Variants in GRIN2A observed in about 807,000 individuals in gnomAD.
GRIN2A encodes glutamate receptor ionotropic, NMDA 2A.
Under a neutral mutation model 113.4 loss-of-function variants are expected in GRIN2A, and 22 were observed. The observed-to-expected ratio is 0.19, with a 90% CI of 0.14 to 0.28. GRIN2A has a LOEUF of 0.28. Ranked by LOEUF, GRIN2A falls within the 10% of genes least tolerant of loss-of-function variation. The probability of loss-of-function intolerance (pLI) is 1.00; values close to 1 mark genes in which losing one functional copy is unlikely to be tolerated. For synonymous variants in GRIN2A, 827 were observed against 738.4 expected, an observed-to-expected ratio of 1.12 and a Z score of -1.94; for missense variants, 1,502 against 1,887.0, an observed-to-expected ratio of 0.80 and a Z score of 3.78.
At chr16:9,932,044 A>G (rs534185879) in intron 3 of GRIN2A, among the ~76,000 whole-genome samples, 33 of 152,362 alleles carry the variant, frequency 2.2e-4, no homozygotes, top group African/African-American at 5.5e-4. Context: ...ATCACAGAGC[A>G]TTGAGTCACC....
At chr16:10,001,679 C>T (rs1202264227) in intron 2 of GRIN2A, among the ~76,000 whole-genome samples, 1 of 152,146 alleles carries the variant, frequency 6.6e-6, no homozygotes, top group Non-Finnish European at 1.5e-5. Flanking sequence ...AATCAATGAG[C>T]CAGTCACCAT....
chr16:9,882,269 C>T (rs1318401991), intron 4 of GRIN2A, among the ~76,000 whole-genome samples: 2 of 152,110 alleles, frequency 1.3e-5, no homozygotes. Flanking sequence ...AATAATTGCA[C>T]CCCACGCATC....
rs35189803 is a variant in GRIN2A, at chr16:9,760,374, ATTTTTTTTTT to A, written c.*2765_*2774del. ...AAATTGACCATCTGATCAGTAGTTG[ATTTTTTTTTT>A]TTTTTTTTTTTTTTGCTTGGGATCA... On this transcript the variant is annotated 3_prime_UTR_variant, in exon 13 of 13. Transcript: ENST00000330684. 8 of 94,050 alleles carry A rather than the reference ATTTTTTTTTT, an allele frequency of 8.5e-5. No individual in the cohort carries two copies. The highest frequency in any genetic ancestry group is 3.0e-4 in the African/African-American group (6 of 20,238). The allele number at this position is 94,050 out of a possible 1,614,324, so 5.8% of individuals were successfully genotyped here. A position where few individuals can be genotyped will look rare whatever the true frequency, so the allele number is the denominator to read the frequency against.
intron 2 of GRIN2A, among the ~76,000 whole-genome samples, chr16:9,999,757 T>C: frequency 6.6e-6 from 1 of 151,938 alleles, no homozygotes; most frequent in Admixed American, 6.6e-5. Flanking sequence ...AAGAAAAGAA[T>C]CAAGCAAGAT....
At chr16:10,032,592 C>A (rs1003133056) in intron 2 of GRIN2A, among the ~76,000 whole-genome samples, 1 of 152,192 alleles carries the variant, frequency 6.6e-6, no homozygotes, top group African/African-American at 2.4e-5. Context: ...AAGGTAAATA[C>A]TATCATTATC....
intron 2 of GRIN2A, among the ~76,000 whole-genome samples, chr16:9,947,948 A>C (rs1249370856): frequency 1.3e-5 from 2 of 152,210 alleles, no homozygotes; most frequent in Non-Finnish European, 2.9e-5. Context: ...AATGACAGCA[A>C]CAAAACCCAA....
intron 2 of GRIN2A, among the ~76,000 whole-genome samples, chr16:9,980,283 AGT>A (rs2045866401): frequency 1.3e-5 from 2 of 150,954 alleles, no homozygotes; most frequent in African/African-American, 4.9e-5. Context: ...AAAAAAAGAG[AGT>A]GATACCATCT....
chr16:10,106,415 T>C (rs537552586), intron 2 of GRIN2A, among the ~76,000 whole-genome samples: 2 of 151,920 alleles, frequency 1.3e-5, no homozygotes, highest in South Asian at 4.2e-4. Context: ...TGTTTTAATT[T>C]AAAAAAATTT....
intron 10 of GRIN2A, among the ~76,000 whole-genome samples, chr16:9,821,155 C>T (rs116300614): frequency 0.017 from 2,554 of 152,140 alleles, 73 homozygotes; most frequent in African/African-American, 0.057. Flanking sequence ...TTTATTAAGC[C>T]ACAAGGAGAA....
chr16:9,777,358 CG>C (rs752120140), intron 11 of GRIN2A, among the ~76,000 whole-genome samples: 5 of 152,176 alleles, frequency 3.3e-5, no homozygotes, highest in Non-Finnish European at 5.9e-5. Context: ...TCTGTTCTCA[CG>C]ATCTCAGAGG....
chr16:10,133,261 C>A (rs2049105846), intron 2 of GRIN2A, among the ~76,000 whole-genome samples: 1 of 152,204 alleles, frequency 6.6e-6, no homozygotes, highest in Non-Finnish European at 1.5e-5. Context: ...GAAAGATTCA[C>A]TCCATCTCCC....
chr16:9,956,568 C>T (rs1489294462), intron 2 of GRIN2A, among the ~76,000 whole-genome samples: 1 of 152,114 alleles, frequency 6.6e-6, no homozygotes, highest in Non-Finnish European at 1.5e-5. Context: ...GGACCAGGTA[C>T]AGTGCTGAAG....
chr16:9,953,109 C>A (rs953620370), intron 2 of GRIN2A, among the ~76,000 whole-genome samples: 2 of 152,122 alleles, frequency 1.3e-5, no homozygotes, highest in African/African-American at 4.8e-5. Context: ...AGAAATCTCA[C>A]TAAAGCAACT....
intron 2 of GRIN2A, among the ~76,000 whole-genome samples, chr16:10,000,835 T>C (rs1345366213): frequency 6.6e-6 from 1 of 152,166 alleles, no homozygotes; most frequent in East Asian, 1.9e-4. Flanking sequence ...ATCTTCAGCT[T>C]CTTCAGTTTT....
chr16:9,803,448 A>G (rs1483794804), intron 10 of GRIN2A, among the ~76,000 whole-genome samples: 2 of 152,174 alleles, frequency 1.3e-5, no homozygotes, highest in East Asian at 1.9e-4. Flanking sequence ...AATGGAGCCA[A>G]CAATATTTGC....
chr16:9,999,599 G>C (rs1239479363), intron 2 of GRIN2A, among the ~76,000 whole-genome samples: 1 of 152,120 alleles, frequency 6.6e-6, no homozygotes, highest in Non-Finnish European at 1.5e-5. Context: ...CAGGGGTTGG[G>C]GGCTAGGGGA....
chr16:10,102,498 C>G (rs1274471918), intron 2 of GRIN2A, among the ~76,000 whole-genome samples: 1 of 152,184 alleles, frequency 6.6e-6, no homozygotes, highest in East Asian at 1.9e-4. Flanking sequence ...CTCTTCTTTA[C>G]AAATTACCTA....
rs1050561066 is a variant in GRIN2A, at chr16:10,180,145, G to A, written c.267C>T (p.Leu89=). The stretch of plus-strand genomic sequence containing the variant: ...GGCCGTGGATGCGTGCCCCGGACAT[G>A]AGGTCGCACACGTGCGTGATGAGGC... ...PKSLITHVCD[L]MSGARIHGLV... is the part of the protein sequence containing the mutation. The change falls in exon 2 of 13, where the codon CTC becomes CTT. Residue 89 remains leucine, a synonymous_variant. Coordinates refer to ENST00000330684, the MANE Select transcript of GRIN2A (RefSeq NM_001134407.3). This position sits in a 1 kb window ranked among gnomAD's most constrained non-coding sequence, Gnocchi z 7.0. The A allele has an allele frequency of 1.1e-5, 17 of 1,614,232 alleles. No individual in the cohort carries two copies. Among genetic ancestry groups the A allele is most frequent in the Non-Finnish European group, 1.4e-5 (16 of 1,180,046 alleles).
intron 2 of GRIN2A, among the ~76,000 whole-genome samples, chr16:9,965,067 G>T (rs926628190): frequency 6.6e-6 from 1 of 152,152 alleles, no homozygotes; most frequent in African/African-American, 2.4e-5. Context: ...TAAATCCTGG[G>T]AATACTCAGG....
Sources: gnomAD v4.1 joint callset for allele counts (sites outside exome capture counted in the v4.1 genomes callset) on GRCh38, gnomAD v4.1.1 for gene constraint, Gnocchi (gnomAD v3.1) non-coding constraint, MANE v1.5 for transcripts, NCBI Gene and HGNC (gene_info 2026-07-23, HGNC 2026-07-21) for gene names.